XDH: variants seen among roughly 807,000 people sequenced by gnomAD.
XDH encodes the protein xanthine dehydrogenase/oxidase.
XDH carries 138 observed loss-of-function variants against 156.1 expected under a neutral mutation model. The ratio of observed to expected loss-of-function variants is 0.88; its 90% CI spans 0.77 to 1.02. The LOEUF (loss-of-function observed/expected upper bound fraction) is 1.02, where lower values mean the gene tolerates loss of function less well. Ranked by LOEUF, XDH falls within the 50% of genes least tolerant of loss-of-function variation. XDH has a pLI of 0.00. For missense variants in XDH, 1,849 were observed against 1,684.9 expected, an observed-to-expected ratio of 1.10 and a Z score of -1.71; for synonymous variants, 669 against 625.7, an observed-to-expected ratio of 1.07 and a Z score of -1.03.
At chr2:31,348,627 G>C (rs1459581089) in intron 27 of XDH, among the ~76,000 whole-genome samples, 1 of 152,180 alleles carries the variant, frequency 6.6e-6, no homozygotes, top group Non-Finnish European at 1.5e-5. Flanking sequence ...TGTAAGTGAA[G>C]AAACAGAACA....
Position 31,368,650 on chromosome 2 carries a change from A to G in XDH, c.1991T>C (p.Val664Ala). ...TVFAKDKVTC[V>A]GHIIGAVVAD... ...AACCACAGCACCAATGATATGCCCA[A>G]CACAAGTAACCTAGTAGCAGAGACA... The change falls in exon 19 of 36, where the codon GTT becomes GCT. Residue 664 changes from valine to alanine, a missense_variant. Transcript: ENST00000379416. The G allele has an allele frequency of 1.9e-6, 3 of 1,614,224 alleles. No homozygotes were observed. Among genetic ancestry groups the G allele is most frequent in the Non-Finnish European group, 2.5e-6 (3 of 1,180,040 alleles).
In XDH at chr2:31,348,345, C is replaced by T. The variant is rs761837797; in HGVS notation, c.3070G>A (p.Val1024Met). The change falls in exon 28 of 36, where the codon GTG (valine) becomes ATG (methionine). Residue 1024 changes from valine to methionine, a missense_variant. Val to Met is a conservative substitution (Grantham distance 21). Coordinates refer to ENST00000379416, the MANE Select transcript of XDH (RefSeq NM_000379.4). Reference protein sequence around the residue: ...FLNQAGALLHVYTDGSVLLTH... With the variant: ...FLNQAGALLHMYTDGSVLLTH... ...AGCAGCACAGAGCCATCTGTGTACA[C>T]ATGAAGTAGGGCTCCTGCCTAGGGA... 1 of 1,614,190 alleles carries T rather than the reference C, an allele frequency of 6.2e-7. No homozygotes were observed. The highest frequency in any genetic ancestry group is 8.5e-7 in the Non-Finnish European group (1 of 1,180,034).
chr2:31,388,293 A>G lies in XDH; in HGVS notation c.498T>C (p.Asp166=), dbSNP rs760365353. Residue 166 remains aspartate (D), a splice_region_variant and synonymous_variant, in exon 7 of 36, where the codon GAT becomes GAC. Coordinates refer to ENST00000379416, the MANE Select transcript of XDH (RefSeq NM_000379.4). ...TCCCATCTCCTCCACAGCATCCACC[A>G]TCCTAGAGAGATGATGAACATCTGC... is the stretch of plus-strand genomic sequence containing the variant. ...ILQGFRTFAR[D]GGCCGGDGNN... The G allele has an allele frequency of 6.2e-6, 10 of 1,614,184 alleles. No homozygotes were observed. The South Asian group carries it at 9.9e-5, about 16-fold the overall frequency.
In XDH at chr2:31,388,258, T is replaced by G. The variant is rs577161917; in HGVS notation, c.533A>C (p.Asn178Thr). 6.2e-7 allele frequency: 1 copy of G among 1,614,214 alleles called. No individual in the cohort carries two copies. Among genetic ancestry groups the G allele is most frequent in the African/African-American group, 1.3e-5 (1 of 75,064 alleles). Reference protein sequence around the residue: ...GCCGGDGNNPNCCMNQKKDHS... With the variant: ...GCCGGDGNNPTCCMNQKKDHS... ...GTCTTTCTTCTGGTTCATGCAGCAA[T>G]TTGGATTATTCCCATCTCCTCCACA... is the stretch of plus-strand genomic sequence containing the variant. Residue 178 changes from asparagine (N) to threonine (T), a missense_variant, in exon 7 of 36, where the codon AAT (asparagine) becomes ACT (threonine). Coordinates refer to ENST00000379416, the MANE Select transcript of XDH (RefSeq NM_000379.4).
intron 6 of XDH, among the ~76,000 whole-genome samples, chr2:31,390,453 AGTAAGGTTGTT>A (rs1481833059): frequency 6.6e-6 from 1 of 152,222 alleles, no homozygotes; most frequent in Non-Finnish European, 1.5e-5. Context: ...GGCAATTATG[AGTAAGGTTGTT>A]GTAAGCATGC....
At chr2:31,387,933 C>T (rs1686656254) in intron 7 of XDH, 36 bp from the exon 8 acceptor site, 3 of 1,549,912 alleles carry the variant, frequency 1.9e-6, no homozygotes, top group Non-Finnish European at 2.6e-6. Context: ...GATGCAGTAT[C>T]TCCTCCTTTC....
chr2:31,341,529 C>G (rs1386153894), intron 32 of XDH, 135 bp from the exon 33 acceptor site: 1 of 926,554 alleles, frequency 1.1e-6, no homozygotes, highest in Non-Finnish European at 1.7e-6. Context: ...CCTGGGTGTG[C>G]TCAGGCAGAA....
intron 4 of XDH, among the ~76,000 whole-genome samples, chr2:31,400,372 G>A (rs563192416): frequency 1.2e-4 from 18 of 151,342 alleles, no homozygotes; most frequent in African/African-American, 4.1e-4. Flanking sequence ...CTGAGTATCT[G>A]GGACTACAGG....
intron 14 of XDH, among the ~76,000 whole-genome samples, chr2:31,376,290 A>G (rs2148775522): frequency 6.6e-6 from 1 of 150,632 alleles, no homozygotes; most frequent in East Asian, 1.9e-4. Flanking sequence ...CAGTTGTCAT[A>G]GAATCAACAG....
chr2:31,392,915 C>T (rs1352966005), intron 6 of XDH, among the ~76,000 whole-genome samples: 1 of 152,172 alleles, frequency 6.6e-6, no homozygotes, highest in African/African-American at 2.4e-5. Context: ...GTTGTTTAAT[C>T]TTCAAGCATT....
At chr2:31,336,971 C>G (rs908857948) in intron 35 of XDH, among the ~76,000 whole-genome samples, 1 of 150,106 alleles carries the variant, frequency 6.7e-6, no homozygotes, top group African/African-American at 2.5e-5. Context: ...CGGAAGCAAC[C>G]GTCCTAGCAA....
chr2:31,359,958 G>T (rs1029465039), intron 24 of XDH, among the ~76,000 whole-genome samples: 1 of 152,162 alleles, frequency 6.6e-6, no homozygotes, highest in Admixed American at 6.5e-5. Flanking sequence ...AAGAGAAAAT[G>T]GTAAGTGGAA....
chr2:31,375,281 C>G, intron 15 of XDH, 99 bp downstream of exon 15: 1 of 1,478,430 alleles, frequency 6.8e-7, no homozygotes, highest in South Asian at 1.1e-5. Context: ...ATTCTGCCCT[C>G]AGATGTCCAG....
chr2:31,343,289 T>TAC, intron 31 of XDH, among the ~76,000 whole-genome samples: 1 of 18,204 alleles, frequency 5.5e-5, no homozygotes. Context: ...CTTCACCATA[T>TAC]ATATATATAT....
In XDH at chr2:31,349,764, G is replaced by A. The variant is rs752757534; in HGVS notation, c.2891C>T (p.Thr964Ile). Residue 964 changes from threonine to isoleucine, a missense_variant, in exon 26 of 36, where the codon ACC becomes ATC. Thr to Ile is a moderately conservative substitution (Grantham distance 89). Transcript: ENST00000379416. ...THFNQKLEGF[T>I]LPRCWEECLA... ...GCATTCTTCCCAGCATCTGGGCAAG[G>A]TGAAACCCTCAAGCTTCTGGTTGAA... The A allele has an allele frequency of 1.2e-5, 20 of 1,614,168 alleles. No individual in the cohort carries two copies. Among genetic ancestry groups the A allele is most frequent in the Admixed American group, 5.0e-5 (3 of 60,020 alleles).
At chr2:31,359,385 A>AG (rs1685714136) in intron 24 of XDH, among the ~76,000 whole-genome samples, 1 of 152,088 alleles carries the variant, frequency 6.6e-6, no homozygotes, top group Admixed American at 6.5e-5. Context: ...AAAAAAAAAA[A>AG]CAAGGCATTT....
intron 24 of XDH, among the ~76,000 whole-genome samples, chr2:31,354,384 A>C (rs982916725): frequency 8.5e-5 from 13 of 152,228 alleles, no homozygotes; most frequent in African/African-American, 2.9e-4. Flanking sequence ...TGTCATACCA[A>C]GTGATAGGAA....
intron 6 of XDH, among the ~76,000 whole-genome samples, chr2:31,396,960 C>T (rs1223883975): frequency 2.0e-5 from 3 of 152,154 alleles, no homozygotes; most frequent in Admixed American, 6.5e-5. Flanking sequence ...CTGTAACTCC[C>T]CTGGACCCAG....
At position 31,383,157 on chromosome 2, in the gene XDH, G is replaced by A. The variant is rs1228863155; in HGVS notation, c.887-5C>T. 2 of 1,614,022 alleles carry A rather than the reference G, an allele frequency of 1.2e-6. No homozygotes were observed. Among genetic ancestry groups the A allele is most frequent in the Non-Finnish European group, 1.7e-6 (2 of 1,180,036 alleles). ...AAGCAGCTCCAAAGGAGATACCTGGGAACGCACGTTCGGAATCACAGCAAT... is the reference window on the plus strand; with the variant it reads ...AAGCAGCTCCAAAGGAGATACCTGGAAACGCACGTTCGGAATCACAGCAAT... On this transcript the variant is annotated splice_region_variant and splice_polypyrimidine_tract_variant and intron_variant, in intron 10 of 35. Coordinates refer to ENST00000379416, the MANE Select transcript of XDH (RefSeq NM_000379.4).
Sources: gnomAD v4.1 joint callset for allele counts (sites outside exome capture counted in the v4.1 genomes callset) on GRCh38, gnomAD v4.1.1 for gene constraint, MANE v1.5 for transcripts, NCBI Gene and HGNC (gene_info 2026-07-23, HGNC 2026-07-21) for gene names.